SMOC2: variants seen among roughly 807,000 people sequenced by gnomAD.
The protein encoded by SMOC2 is SPARC related modular calcium binding 2, also known as SPARC-related modular calcium-binding protein 2.
SMOC2 carries 39 observed loss-of-function variants against 61.4 expected under a neutral mutation model. The ratio of observed to expected loss-of-function variants is 0.64; its 90% CI spans 0.49 to 0.83. SMOC2 has a LOEUF of 0.83. Ranked by LOEUF, SMOC2 falls within the 40% of genes least tolerant of loss-of-function variation. SMOC2 has a pLI of 0.00. For missense variants in SMOC2, 556 were observed against 592.9 expected (o/e 0.94, Z 0.65); for synonymous variants, 247 against 239.9 (o/e 1.03, Z -0.27).
intron 1 of SMOC2, among the ~76,000 whole-genome samples, chr6:168,497,250 G>C (rs998124888): frequency 2.6e-5 from 4 of 152,224 alleles, no homozygotes; most frequent in African/African-American, 7.2e-5. Context: ...GCTGTGCGTG[G>C]TCAAATGAGG....
intron 2 of SMOC2, among the ~76,000 whole-genome samples, chr6:168,517,152 C>G (rs1180234942): frequency 6.6e-6 from 1 of 152,216 alleles, no homozygotes; most frequent in Non-Finnish European, 1.5e-5. Flanking sequence ...CCTGGAAAAG[C>G]TCCTTTCTTC....
At chr6:168,545,017 G>C (rs900266941) in intron 5 of SMOC2, among the ~76,000 whole-genome samples, 4 of 152,094 alleles carry the variant, frequency 2.6e-5, no homozygotes, top group Non-Finnish European at 4.4e-5. Flanking sequence ...ACACTGGGTT[G>C]GGGGAGGGTT....
intron 10 of SMOC2, among the ~76,000 whole-genome samples, chr6:168,651,671 C>T (rs1207496630): frequency 1.3e-5 from 2 of 152,192 alleles, no homozygotes; most frequent in Admixed American, 6.5e-5. Flanking sequence ...CTCTCACTGT[C>T]TGTCTGCTAA....
Position 168,598,951 on chromosome 6 carries a change from C to G in SMOC2, c.771C>G (p.Tyr257Ter), listed in dbSNP as rs1489839899. ...TGCAGTGCCACCCCTCCACGGGGTA[C>G]TGCTGGTGCGTCCTGGTGGACACGG... is the stretch of plus-strand genomic sequence containing the variant. ...KPVQCHPSTGYCWCVLVDTGR... is the reference protein window; with the variant it reads ...KPVQCHPSTG The change falls in exon 8 of 13, where the codon TAC (tyrosine) becomes TAG (stop). Residue 257 changes from tyrosine (Y) to a stop codon, truncating the protein, a stop_gained. Coordinates refer to ENST00000356284, the MANE Select transcript of SMOC2 (RefSeq NM_001166412.2). LOFTEE classifies it high-confidence loss of function. 6.2e-7 allele frequency: 1 copy of G among 1,613,350 alleles called. No homozygotes were observed. The highest frequency in any genetic ancestry group is 1.3e-5 in the African/African-American group (1 of 74,836).
intron 1 of SMOC2, among the ~76,000 whole-genome samples, chr6:168,487,627 C>T (rs1309517655): frequency 2.0e-5 from 3 of 152,060 alleles, no homozygotes; most frequent in African/African-American, 7.2e-5. Context: ...GCCTCAGCCT[C>T]CCAAGTAGCT....
intron 1 of SMOC2, among the ~76,000 whole-genome samples, chr6:168,464,509 G>A (rs1292307716): frequency 1.3e-5 from 2 of 152,024 alleles, no homozygotes; most frequent in Non-Finnish European, 2.9e-5. Context: ...AACATTTTGG[G>A]ATCAAGTGAT....
In SMOC2 at chr6:168,666,496, G is replaced by C; in HGVS notation, c.*58G>C. 1 of 1,586,806 alleles carries C rather than the reference G, an allele frequency of 6.3e-7. No homozygotes were observed. The highest frequency in any genetic ancestry group is 2.2e-5 in the East Asian group (1 of 44,738). ...CATGGGAAATTTCCCTCACCAAAGAGCAATTAAGAAAACAAAAACAGAAAC... is the reference window on the plus strand; with the variant it reads ...CATGGGAAATTTCCCTCACCAAAGACCAATTAAGAAAACAAAAACAGAAAC... On this transcript the variant is annotated 3_prime_UTR_variant, in exon 13 of 13. Transcript: ENST00000356284.
At chr6:168,664,988 A>T (rs911894549) in intron 12 of SMOC2, 13 of 329,594 alleles carry the variant, frequency 3.9e-5, no homozygotes, top group Non-Finnish European at 6.6e-5. Context: ...CACACCTTGG[A>T]TGTAATTTAA....
intron 1 of SMOC2, among the ~76,000 whole-genome samples, chr6:168,485,210 G>T (rs897182421): frequency 4.6e-5 from 7 of 152,092 alleles, no homozygotes; most frequent in African/African-American, 1.7e-4. Context: ...CAAGGATATG[G>T]AAAAACCCTC....
At chr6:168,650,218 G>A (rs1787156490) in intron 9 of SMOC2, among the ~76,000 whole-genome samples, 1 of 152,166 alleles carries the variant, frequency 6.6e-6, no homozygotes, top group Admixed American at 6.5e-5. Context: ...CCTGCTGTTT[G>A]CCCTACTGCC....
At chr6:168,620,078 C>G (rs1786206669) in intron 9 of SMOC2, among the ~76,000 whole-genome samples, 1 of 152,218 alleles carries the variant, frequency 6.6e-6, no homozygotes, top group African/African-American at 2.4e-5. Flanking sequence ...ACAGCCCTAC[C>G]TGCGTGTAAT....
chr6:168,463,831 C>G (rs757311144), intron 1 of SMOC2, among the ~76,000 whole-genome samples: 1 of 152,096 alleles, frequency 6.6e-6, no homozygotes, highest in Non-Finnish European at 1.5e-5. Context: ...CCTGTAGAGA[C>G]GTCGGCTGAG....
chr6:168,517,758 A>G (rs1428787045), intron 2 of SMOC2, among the ~76,000 whole-genome samples: 1 of 148,872 alleles, frequency 6.7e-6, no homozygotes, highest in Non-Finnish European at 1.5e-5. Flanking sequence ...GGGGCTGGGC[A>G]GACTCTGACG....
At chr6:168,491,050 G>T (rs145743865) in intron 1 of SMOC2, among the ~76,000 whole-genome samples, 1 of 152,158 alleles carries the variant, frequency 6.6e-6, no homozygotes, top group Admixed American at 6.5e-5. Flanking sequence ...CAGCGGGGGC[G>T]GCTGGTCTCT....
chr6:168,445,533 T>C (rs1781312550), intron 1 of SMOC2, among the ~76,000 whole-genome samples: 3 of 152,268 alleles, frequency 2.0e-5, no homozygotes, highest in Non-Finnish European at 2.9e-5. Flanking sequence ...TGCTATTCCA[T>C]TTCTGAGCAG....
intron 12 of SMOC2, chr6:168,664,777 T>C (rs768681567): frequency 2.1e-6 from 1 of 471,164 alleles, no homozygotes; most frequent in South Asian, 1.5e-5. Context: ...CCACAACCCA[T>C]CGCAAGTCAA....
chr6:168,603,755 G>A (rs1248594516), intron 8 of SMOC2, among the ~76,000 whole-genome samples: 2 of 151,992 alleles, frequency 1.3e-5, no homozygotes, highest in Non-Finnish European at 1.5e-5. Context: ...CTTGGGATGG[G>A]GCACAGCTTG....
At chr6:168,591,066 A>G (rs1341402915) in intron 7 of SMOC2, among the ~76,000 whole-genome samples, 1 of 152,272 alleles carries the variant, frequency 6.6e-6, no homozygotes, top group Non-Finnish European at 1.5e-5. Context: ...ATATTTCTAT[A>G]AAAGTTAGAA....
intron 9 of SMOC2, among the ~76,000 whole-genome samples, chr6:168,640,085 G>GCTCC (rs1786853307): frequency 6.6e-6 from 1 of 152,228 alleles, no homozygotes; most frequent in African/African-American, 2.4e-5. Flanking sequence ...GCGACTCACT[G>GCTCC]CTCCCTCCTG....
Sources: allele counts gnomAD v4.1 joint callset (sites outside exome capture counted in the v4.1 genomes callset), GRCh38; gene constraint gnomAD v4.1.1; transcripts MANE v1.5; gene names NCBI Gene and HGNC (gene_info 2026-07-23, HGNC 2026-07-21).